Variants in RASEF observed in about 807,000 individuals in gnomAD.
RASEF encodes the protein RAS and EF-hand domain containing, also known as ras and EF-hand domain-containing protein.
A neutral mutation model predicts 90.1 loss-of-function variants in RASEF; 68 were observed. That is an observed-to-expected ratio of 0.75 (90% CI 0.62 to 0.92). The LOEUF (loss-of-function observed/expected upper bound fraction) is 0.92. RASEF is among the 40% of genes least tolerant of loss of function. The pLI is 0.00. For missense variants in RASEF, 949 were observed against 937.2 expected, an observed-to-expected ratio of 1.01 and a Z score of -0.16; for synonymous variants, 331 against 345.2, an observed-to-expected ratio of 0.96 and a Z score of 0.46.
the RASEF span, among the ~76,000 whole-genome samples, chr9:83,068,663 C>G: frequency 5.2e-3 from 797 of 152,296 alleles, 5 homozygotes; most frequent in African/African-American, 0.018. Context: ...AGATACTGAG[C>G]TGAGAACACA....
At chr9:82,987,976 C>T (rs1407114610) in intron 16 of RASEF, among the ~76,000 whole-genome samples, 2 of 152,190 alleles carry the variant, frequency 1.3e-5, no homozygotes, top group African/African-American at 4.8e-5. Flanking sequence ...GTTACTGCTG[C>T]ATGGGAGCAG....
chr9:82,997,283 T>C (rs911784725), intron 13 of RASEF, among the ~76,000 whole-genome samples, 157 bp from the exon 14 acceptor site: 12 of 152,152 alleles, frequency 7.9e-5, no homozygotes, highest in African/African-American at 2.7e-4. Context: ...AGGTCTCGAA[T>C]GACCCAATGA....
At chr9:83,088,961 T>C in the RASEF span, among the ~76,000 whole-genome samples, 2 of 152,044 alleles carry the variant, frequency 1.3e-5, no homozygotes, top group African/African-American at 2.4e-5. Flanking sequence ...ATTTTGCTAT[T>C]TGTTTCCTAT....
intron 1 of RASEF, among the ~76,000 whole-genome samples, chr9:83,061,420 T>C (rs921672140): frequency 6.6e-6 from 1 of 152,184 alleles, no homozygotes; most frequent in Non-Finnish European, 1.5e-5. Flanking sequence ...ACCAAAATGA[T>C]GCCTTTCAGA....
the RASEF span, among the ~76,000 whole-genome samples, chr9:83,119,985 G>A: frequency 5.9e-5 from 9 of 152,296 alleles, no homozygotes; most frequent in African/African-American, 1.9e-4. Flanking sequence ...AAAGAAGAAC[G>A]CGTGCTTGTA....
At chr9:83,045,832 T>C (rs1203571281) in intron 1 of RASEF, among the ~76,000 whole-genome samples, 2 of 152,174 alleles carry the variant, frequency 1.3e-5, no homozygotes, top group Non-Finnish European at 2.9e-5. Flanking sequence ...TGCAAGTCCA[T>C]TAACAGCTGC....
chr9:83,081,790 A>G, the RASEF span, among the ~76,000 whole-genome samples: 1 of 152,180 alleles, frequency 6.6e-6, no homozygotes, highest in Non-Finnish European at 1.5e-5. Context: ...AGTACCTGTC[A>G]TGTATTTACC....
chr9:83,075,603 C>A, the RASEF span, among the ~76,000 whole-genome samples: 3 of 152,080 alleles, frequency 2.0e-5, no homozygotes, highest in East Asian at 5.8e-4. Context: ...TTTCTTCCTA[C>A]GGAAGCCTAT....
At chr9:83,167,983 T>C in the RASEF span, among the ~76,000 whole-genome samples, 236 of 152,260 alleles carry the variant, frequency 1.5e-3, 1 homozygote, top group African/African-American at 5.4e-3. Flanking sequence ...ATGTACAAGT[T>C]TTTGTGTGGC....
the RASEF span, among the ~76,000 whole-genome samples, chr9:83,195,700 T>C: frequency 6.6e-6 from 1 of 151,926 alleles, no homozygotes; most frequent in Admixed American, 6.6e-5. Flanking sequence ...ATATGAGTGA[T>C]ATAAAGAGGC....
the RASEF span, among the ~76,000 whole-genome samples, chr9:83,154,083 A>C: frequency 2.0e-5 from 3 of 152,154 alleles, no homozygotes; most frequent in African/African-American, 7.2e-5. Flanking sequence ...GCAAATACAG[A>C]CTCCAGATAG....
the RASEF span, among the ~76,000 whole-genome samples, chr9:83,218,716 C>T: frequency 2.6e-5 from 4 of 152,202 alleles, no homozygotes; most frequent in African/African-American, 7.2e-5. Flanking sequence ...CTGAGAGCAC[C>T]GCCCTTGCAT....
the RASEF span, among the ~76,000 whole-genome samples, chr9:83,190,312 T>C: frequency 6.6e-6 from 1 of 152,350 alleles, no homozygotes; most frequent in African/African-American, 2.4e-5. Flanking sequence ...GAAAGTACAC[T>C]ATATGATTTT....
chr9:83,130,311 A>G, the RASEF span, among the ~76,000 whole-genome samples: 1 of 152,110 alleles, frequency 6.6e-6, no homozygotes. Flanking sequence ...AGGTCTAGAG[A>G]CTTTACATAA....
At chr9:83,049,550 T>TTTTA (rs1554710387) in intron 1 of RASEF, among the ~76,000 whole-genome samples, 1 of 144,414 alleles carries the variant, frequency 6.9e-6, no homozygotes, top group Non-Finnish European at 1.5e-5. Context: ...TTTTTTTTTT[T>TTTTA]TTATTATACT....
upstream of RASEF, among the ~76,000 whole-genome samples, chr9:83,064,199 C>T (rs1830261875): frequency 6.6e-6 from 1 of 152,320 alleles, no homozygotes; most frequent in South Asian, 2.1e-4. Context: ...ATCTGGGGAA[C>T]TATTTCCTCT....
the RASEF span, among the ~76,000 whole-genome samples, chr9:83,191,541 C>T: frequency 6.6e-6 from 1 of 152,198 alleles, no homozygotes; most frequent in African/African-American, 2.4e-5. Context: ...TCAGAATATT[C>T]AGGCATCATT....
the RASEF span, among the ~76,000 whole-genome samples, chr9:83,162,476 T>C: frequency 1.3e-5 from 2 of 152,210 alleles, no homozygotes; most frequent in East Asian, 1.9e-4. Flanking sequence ...AAAAATCTTG[T>C]TGGGAAATCG....
In RASEF at chr9:82,998,374, C is replaced by T; in HGVS notation, c.1796G>A (p.Gly599Asp). The change falls in exon 13 of 17, where the codon GGT becomes GAT. Residue 599 changes from glycine to aspartate, a missense_variant. Gly to Asp is a moderately conservative substitution (Grantham distance 94). Transcript: ENST00000376447. Reference protein sequence around the residue: ...RTVLQLWDTAGQERFRSIAKS... With the variant: ...RTVLQLWDTADQERFRSIAKS... ...TGCGGAATGCACTTGCCTCTCCTGA[C>T]CAGCTGTATCCCAGAGCTGCAGAAC... 6.2e-7 allele frequency: 1 copy of T among 1,611,438 alleles called. No individual in the cohort carries two copies. Among genetic ancestry groups the T allele is most frequent in the Non-Finnish European group, 8.5e-7 (1 of 1,177,574 alleles).
Sources: gnomAD v4.1 joint callset for allele counts (sites outside exome capture counted in the v4.1 genomes callset) on GRCh38, gnomAD v4.1.1 for gene constraint, MANE v1.5 for transcripts, NCBI Gene and HGNC (gene_info 2026-07-23, HGNC 2026-07-21) for gene names.